CFAP20DC: variants seen among roughly 807,000 people sequenced by gnomAD.
CFAP20DC encodes the protein protein CFAP20DC.
CFAP20DC carries 84 observed loss-of-function variants against 101.7 expected under a neutral mutation model. The ratio of observed to expected loss-of-function variants is 0.83; its 90% CI spans 0.69 to 0.99. The LOEUF (loss-of-function observed/expected upper bound fraction) is 0.99. Among genes scored for constraint, CFAP20DC ranks in the 50% least tolerant of loss-of-function variants. CFAP20DC has a pLI of 0.00. For synonymous variants in CFAP20DC, 359 were observed against 351.2 expected (o/e 1.02, Z -0.25); for missense variants, 1,007 against 970.3 (o/e 1.04, Z -0.50).
chr3:58,838,280 T>C (rs959115102), intron 13 of CFAP20DC, among the ~76,000 whole-genome samples: 3 of 152,200 alleles, frequency 2.0e-5, no homozygotes, highest in African/African-American at 4.8e-5. Context: ...AGTTAGGCCA[T>C]AACCAGCTGG....
chr3:58,936,244 G>T (rs1162485560), intron 5 of CFAP20DC, among the ~76,000 whole-genome samples: 2 of 152,104 alleles, frequency 1.3e-5, no homozygotes, highest in African/African-American at 4.8e-5. Context: ...ACACCAGTTA[G>T]AATGGCAATC....
chr3:59,013,148 A>G (rs1318445791), intron 4 of CFAP20DC, among the ~76,000 whole-genome samples: 1 of 152,130 alleles, frequency 6.6e-6, no homozygotes, highest in African/African-American at 2.4e-5. Context: ...TTCCACTTGC[A>G]TTTCATCGAT....
At chr3:58,977,151 T>G (rs1005075427) in intron 4 of CFAP20DC, among the ~76,000 whole-genome samples, 4 of 152,172 alleles carry the variant, frequency 2.6e-5, no homozygotes, top group African/African-American at 7.2e-5. Context: ...TATAGGTTGT[T>G]TTGCTTGAAG....
At position 58,801,119 on chromosome 3, in the gene CFAP20DC, A is replaced by G. The variant is rs181509513; in HGVS notation, c.2237+5276T>C. Among the ~76,000 whole-genome samples the G allele has an allele frequency of 7.5e-4, 114 of 151,998 alleles. 1 individual carries two copies. In the East Asian group the frequency reaches 0.019, roughly 25 times the overall value. On this transcript the variant is annotated intron_variant, in intron 15 of 16. Coordinates refer to ENST00000482387, the MANE Select transcript of CFAP20DC (RefSeq NM_001394063.1). ...CCTGCCTTAGAGGAACTTGGTGAACAGCCAGACAGGTCATCAGTAAATGAG... is the reference window on the plus strand; with the variant it reads ...CCTGCCTTAGAGGAACTTGGTGAACGGCCAGACAGGTCATCAGTAAATGAG...
chr3:58,947,955 T>A (rs2089572234), intron 4 of CFAP20DC, among the ~76,000 whole-genome samples: 2 of 152,212 alleles, frequency 1.3e-5, no homozygotes, highest in Admixed American at 6.5e-5. Flanking sequence ...ACATAATCAC[T>A]GACTCCCAAT....
intron 13 of CFAP20DC, among the ~76,000 whole-genome samples, chr3:58,842,416 A>G (rs2077204837): frequency 6.6e-6 from 1 of 152,152 alleles, no homozygotes; most frequent in Non-Finnish European, 1.5e-5. Flanking sequence ...ACGCACCTGG[A>G]AAATCGGGTC....
At chr3:58,955,507 G>T (rs946950212) in intron 4 of CFAP20DC, among the ~76,000 whole-genome samples, 1 of 152,060 alleles carries the variant, frequency 6.6e-6, no homozygotes, top group African/African-American at 2.4e-5. Flanking sequence ...CCCACAGAGG[G>T]AGCATTTAAA....
At chr3:58,747,482 G>A (rs1367153363) in intron 16 of CFAP20DC, among the ~76,000 whole-genome samples, 10 of 152,158 alleles carry the variant, frequency 6.6e-5, no homozygotes, top group African/African-American at 2.4e-4. Context: ...AATAAATGAT[G>A]TGGCACTAGT....
intron 14 of CFAP20DC, among the ~76,000 whole-genome samples, chr3:58,819,684 T>A (rs1197964442): frequency 1.4e-5 from 2 of 143,654 alleles, no homozygotes; most frequent in African/African-American, 2.7e-5. Flanking sequence ...CAGGACCAGA[T>A]GGATTCACAG....
At chr3:58,950,146 A>T (rs1200408067) in intron 4 of CFAP20DC, among the ~76,000 whole-genome samples, 1 of 152,188 alleles carries the variant, frequency 6.6e-6, no homozygotes, top group Non-Finnish European at 1.5e-5. Flanking sequence ...CGGAGAGCCA[A>T]ATCATGAGTG....
chr3:58,862,109 A>T, intron 12 of CFAP20DC: 1 of 940,650 alleles, frequency 1.1e-6, no homozygotes, highest in Non-Finnish European at 1.3e-6. Flanking sequence ...TAAAGGGCAG[A>T]TTATCCATAA....
intron 5 of CFAP20DC, among the ~76,000 whole-genome samples, chr3:58,928,927 T>A (rs903920702): frequency 6.6e-6 from 1 of 152,226 alleles, no homozygotes; most frequent in Non-Finnish European, 1.5e-5. Context: ...TCCTTTTTTT[T>A]ATATTCTCTA....
chr3:58,961,083 G>T (rs2091093341), intron 4 of CFAP20DC, among the ~76,000 whole-genome samples: 1 of 152,012 alleles, frequency 6.6e-6, no homozygotes, highest in African/African-American at 2.4e-5. Flanking sequence ...TTCATTACTG[G>T]GATAAATCCC....
chr3:58,933,930 A>T (rs1342242221), intron 5 of CFAP20DC, among the ~76,000 whole-genome samples: 1 of 152,006 alleles, frequency 6.6e-6, no homozygotes, highest in Non-Finnish European at 1.5e-5. Flanking sequence ...TCAGAGCAGA[A>T]CTGAAGGAAA....
At chr3:58,745,830 C>A (rs573719264) in intron 16 of CFAP20DC, among the ~76,000 whole-genome samples, 1 of 152,174 alleles carries the variant, frequency 6.6e-6, no homozygotes, top group African/African-American at 2.4e-5. Flanking sequence ...AATCCCATTT[C>A]TACCATATCA....
At chr3:58,984,259 C>G (rs1299687478) in intron 4 of CFAP20DC, among the ~76,000 whole-genome samples, 1 of 152,182 alleles carries the variant, frequency 6.6e-6, no homozygotes, top group Non-Finnish European at 1.5e-5. Context: ...TTATTGGCTT[C>G]CTATTTCTTT....
chr3:58,815,671 C>T (rs1208600934), intron 14 of CFAP20DC, among the ~76,000 whole-genome samples: 11 of 151,136 alleles, frequency 7.3e-5, no homozygotes, highest in African/African-American at 2.7e-4. Flanking sequence ...AGAAAAAAAA[C>T]AAACAACCCC....
In CFAP20DC at chr3:58,912,243, T is replaced by C. The variant is rs1177118497; in HGVS notation, c.550+1465A>G. On this transcript the variant is annotated intron_variant, in intron 6 of 16. Transcript: ENST00000482387. The surrounding 1 kb of genome is among the most constrained non-coding windows in gnomAD (Gnocchi z 4.4). Reference sequence around the variant, plus strand: ...CATTTATTTTAAAATATTAATCAGGTTATGATTCACCTCCTATGATCTGAT... The same window carrying C: ...CATTTATTTTAAAATATTAATCAGGCTATGATTCACCTCCTATGATCTGAT... 6.6e-6 allele frequency among the ~76,000 whole-genome samples: 1 copy of C among 152,138 alleles called. No individual in the cohort carries two copies. Among genetic ancestry groups the C allele is most frequent in the African/African-American group, 2.4e-5 (1 of 41,446 alleles).
At chr3:59,049,492 A>T in intron 1 of CFAP20DC, 119 bp downstream of exon 1, 1 of 942,930 alleles carries the variant, frequency 1.1e-6, no homozygotes, top group Middle Eastern at 2.1e-4. Flanking sequence ...ATTCTGTCTT[A>T]CCCCTGAAAA....
Sources: allele counts gnomAD v4.1 joint callset (sites outside exome capture counted in the v4.1 genomes callset), GRCh38; gene constraint gnomAD v4.1.1; non-coding constraint Gnocchi (gnomAD v3.1); transcripts MANE v1.5; gene names NCBI Gene and HGNC (gene_info 2026-07-23, HGNC 2026-07-21).